SEMA3A: variants seen among roughly 807,000 people sequenced by gnomAD.
SEMA3A encodes semaphorin-3A.
Under a neutral mutation model 97.9 loss-of-function variants are expected in SEMA3A, and 29 were observed. That is an observed-to-expected ratio of 0.30 (90% CI 0.22 to 0.40). SEMA3A has a LOEUF of 0.40. SEMA3A is among the 10% of genes least tolerant of loss of function. SEMA3A has a pLI of 1.00. For missense variants in SEMA3A, 763 were observed against 951.3 expected, an observed-to-expected ratio of 0.80 and a Z score of 2.60; for synonymous variants, 321 against 323.7, an observed-to-expected ratio of 0.99 and a Z score of 0.09.
intron 1 of SEMA3A, among the ~76,000 whole-genome samples, chr7:84,438,050 G>T (rs1805182277): frequency 6.6e-6 from 1 of 151,904 alleles, no homozygotes; most frequent in Non-Finnish European, 1.5e-5. Flanking sequence ...AAGAGCTAGA[G>T]AAAAATTTGC....
chr7:84,429,516 T>TTTTATATATA (rs1554385260), intron 1 of SEMA3A, among the ~76,000 whole-genome samples: 3,516 of 72,328 alleles, frequency 0.049, 209 homozygotes, highest in Non-Finnish European at 0.063. Flanking sequence ...ATAGAGTTTG[T>TTTTATATATA]TATATATATA....
At chr7:84,161,190 C>T (rs1797023200) in intron 1 of SEMA3A, among the ~76,000 whole-genome samples, 1 of 151,912 alleles carries the variant, frequency 6.6e-6, no homozygotes, top group South Asian at 2.1e-4. Context: ...ACGGTGAAAC[C>T]CTGTCTCTAC....
intron 6 of SEMA3A, among the ~76,000 whole-genome samples, chr7:84,043,577 T>C (rs1258960259): frequency 6.6e-6 from 1 of 152,140 alleles, no homozygotes; most frequent in Non-Finnish European, 1.5e-5. Flanking sequence ...GTATAGTCTA[T>C]GCTGATGCCT....
At chr7:84,239,018 A>G (rs1437151053) in intron 3 of SEMA3A, among the ~76,000 whole-genome samples, 1 of 152,150 alleles carries the variant, frequency 6.6e-6, no homozygotes, top group Non-Finnish European at 1.5e-5. Context: ...TGCCCGGCCA[A>G]AAACTACAAT....
At chr7:84,193,742 C>A (rs1432150839) in intron 1 of SEMA3A, among the ~76,000 whole-genome samples, 5 of 152,044 alleles carry the variant, frequency 3.3e-5, no homozygotes, top group African/African-American at 9.7e-5. Context: ...AGTGATAAAG[C>A]TCTTTTTTCT....
intron 3 of SEMA3A, among the ~76,000 whole-genome samples, chr7:84,226,970 T>G (rs1562861523): frequency 6.6e-6 from 1 of 152,038 alleles, no homozygotes; most frequent in Non-Finnish European, 1.5e-5. Flanking sequence ...CGCTTGAGGA[T>G]TTTTCTTTGT....
At chr7:84,273,217 C>T (rs1235679536) in intron 3 of SEMA3A, among the ~76,000 whole-genome samples, 1 of 152,062 alleles carries the variant, frequency 6.6e-6, no homozygotes, top group Non-Finnish European at 1.5e-5. Context: ...ACTATACTAT[C>T]TTTGATATTC....
intron 2 of SEMA3A, among the ~76,000 whole-genome samples, chr7:84,345,651 G>C (rs1468531649): frequency 6.6e-6 from 1 of 152,190 alleles, no homozygotes; most frequent in East Asian, 1.9e-4. Context: ...CCCATAAGAA[G>C]CAACTCCTTA....
intron 1 of SEMA3A, among the ~76,000 whole-genome samples, chr7:84,170,257 A>G (rs946441526): frequency 6.6e-6 from 1 of 151,950 alleles, no homozygotes; most frequent in Admixed American, 6.6e-5. Context: ...CCATCTTTTT[A>G]TTTATAAAAG....
intron 1 of SEMA3A, among the ~76,000 whole-genome samples, chr7:84,170,092 T>G (rs1797338561): frequency 6.6e-6 from 1 of 151,978 alleles, no homozygotes; most frequent in Non-Finnish European, 1.5e-5. Context: ...GTTTTCAGTT[T>G]GCAAAGATGA....
intron 9 of SEMA3A, among the ~76,000 whole-genome samples, chr7:84,009,404 T>G (rs1411100034): frequency 1.3e-5 from 2 of 152,228 alleles, no homozygotes; most frequent in African/African-American, 4.8e-5. Context: ...TCCTTAATTT[T>G]TATGTGATTT....
chr7:84,340,117 C>T (rs1401069052), intron 2 of SEMA3A, among the ~76,000 whole-genome samples: 1 of 151,998 alleles, frequency 6.6e-6, no homozygotes, highest in Admixed American at 6.5e-5. Flanking sequence ...GACTATTTAA[C>T]TCCTATAAAG....
intron 2 of SEMA3A, among the ~76,000 whole-genome samples, chr7:84,334,938 C>T (rs1802001167): frequency 1.3e-5 from 2 of 151,644 alleles, no homozygotes; most frequent in Admixed American, 6.6e-5. Flanking sequence ...AGACTCATGC[C>T]CTCAAAAAAA....
chr7:84,415,954 T>C (rs989266335), intron 1 of SEMA3A, among the ~76,000 whole-genome samples: 3 of 152,160 alleles, frequency 2.0e-5, no homozygotes, highest in African/African-American at 7.2e-5. Context: ...TTATCAATCA[T>C]ATATTTAATA....
At chr7:84,448,492 T>C (rs1333793074) in intron 1 of SEMA3A, among the ~76,000 whole-genome samples, 1 of 152,084 alleles carries the variant, frequency 6.6e-6, no homozygotes, top group Non-Finnish European at 1.5e-5. Flanking sequence ...TGTATTTCTA[T>C]ACACTAACAG....
chr7:84,341,041 T>C lies in SEMA3A; in HGVS notation c.-169+30783A>G, dbSNP rs111394080. 5.0e-3 allele frequency among the ~76,000 whole-genome samples: 760 copies of C among 152,308 alleles called. 7 individuals carry two copies. The highest frequency in any genetic ancestry group is 0.017 in the African/African-American group (709 of 41,562). ...CTTCTGATAGGCTTAATCTTGGTGA[T>C]GGTTATATTTCCATGTACAAAGCAA... On this transcript the variant is annotated intron_variant, in intron 2 of 3. Coordinates refer to the SEMA3A transcript ENST00000424555.
At chr7:83,974,997 A>C (rs549306254) in intron 15 of SEMA3A, among the ~76,000 whole-genome samples, 2 of 152,236 alleles carry the variant, frequency 1.3e-5, no homozygotes, top group East Asian at 3.9e-4. Context: ...ATTTATTTAC[A>C]CTCACTTTAT....
chr7:84,307,627 T>G (rs1801194183), intron 2 of SEMA3A, among the ~76,000 whole-genome samples: 1 of 152,180 alleles, frequency 6.6e-6, no homozygotes, highest in Non-Finnish European at 1.5e-5. Flanking sequence ...ACATGCTCTA[T>G]TGATTTGCCC....
Position 84,379,239 on chromosome 7 carries a change from T to G in SEMA3A, c.-245-7339A>C, listed in dbSNP as rs1314082195. Among the ~76,000 whole-genome samples the G allele has an allele frequency of 2.0e-5, 3 of 152,106 alleles. No individual in the cohort carries two copies. The East Asian group carries it at 5.8e-4, about 29-fold the overall frequency. ...ACCGTGCCCAGCCGTGACAATATTT[T>G]TAATTATTTATTCTAAGTTTTAATG... On this transcript the variant is annotated intron_variant, in intron 1 of 3. Transcript: ENST00000424555.
Sources: allele counts gnomAD v4.1 joint callset (sites outside exome capture counted in the v4.1 genomes callset), GRCh38; gene constraint gnomAD v4.1.1; transcripts MANE v1.5; gene names NCBI Gene and HGNC (gene_info 2026-07-23, HGNC 2026-07-21).